Variants in CAMK2B observed in about 807,000 individuals in gnomAD.
CAMK2B encodes the protein calcium/calmodulin dependent protein kinase II beta.
CAMK2B carries 27 observed loss-of-function variants against 93.7 expected under a neutral mutation model. The ratio of observed to expected loss-of-function variants is 0.29; its 90% CI spans 0.21 to 0.40. The LOEUF (loss-of-function observed/expected upper bound fraction) is 0.40, where lower values mean the gene tolerates loss of function less well. Among genes scored for constraint, CAMK2B ranks in the 10% least tolerant of loss-of-function variants. CAMK2B has a pLI of 1.00. For missense variants in CAMK2B, 568 were observed against 895.8 expected (o/e 0.63, Z 4.67); for synonymous variants, 374 against 358.8 (o/e 1.04, Z -0.48).
At position 44,242,667 on chromosome 7, in the gene CAMK2B, C is replaced by A. The variant is rs368388412; in HGVS notation, c.602-13G>T. 1,087 of 1,582,790 alleles carry A rather than the reference C, an allele frequency of 6.9e-4. 1 individual carries two copies. Among genetic ancestry groups the A allele is most frequent in the Non-Finnish European group, 8.7e-4 (1,003 of 1,157,102 alleles). On this transcript the variant is annotated splice_polypyrimidine_tract_variant and intron_variant, in intron 8 of 23. Coordinates refer to ENST00000395749, the MANE Select transcript of CAMK2B (RefSeq NM_001220.5). ...TACAGGATCACCCCTGCGGATGGGG[C>A]CTGTGAGCACCGCAGCCACTTGCAG...
chr7:44,261,458 G>C (rs1422703222), intron 3 of CAMK2B, among the ~76,000 whole-genome samples: 4 of 152,194 alleles, frequency 2.6e-5, no homozygotes, highest in Non-Finnish European at 5.9e-5. Context: ...CTCATGGTGG[G>C]GGCTGCCCCT....
intron 2 of CAMK2B, among the ~76,000 whole-genome samples, chr7:44,270,325 G>A (rs188620542): frequency 6.6e-6 from 1 of 152,312 alleles, no homozygotes; most frequent in African/African-American, 2.4e-5. Flanking sequence ...TGGCTGGGGA[G>A]GGATGGGCCA....
intron 18 of CAMK2B, 128 bp downstream of exon 18, chr7:44,229,260 G>C (rs964716332): frequency 7.6e-6 from 5 of 656,200 alleles, no homozygotes; most frequent in African/African-American, 3.7e-5. Flanking sequence ...CCCCAGTGAG[G>C]GATTGTGGGG....
intron 2 of CAMK2B, among the ~76,000 whole-genome samples, chr7:44,279,608 G>A (rs2097085583): frequency 6.6e-6 from 1 of 152,200 alleles, no homozygotes; most frequent in African/African-American, 2.4e-5. Context: ...TAGGCATACA[G>A]CTTGAGAGGC....
chr7:44,322,561 G>A (rs760753159), intron 1 of CAMK2B, among the ~76,000 whole-genome samples: 2 of 152,210 alleles, frequency 1.3e-5, no homozygotes, highest in African/African-American at 2.4e-5. Flanking sequence ...GGCCATGCCG[G>A]GCTGAGGGCT....
At chr7:44,264,439 T>C (rs1474949857) in intron 2 of CAMK2B, among the ~76,000 whole-genome samples, 1 of 152,144 alleles carries the variant, frequency 6.6e-6, no homozygotes, top group Non-Finnish European at 1.5e-5. Context: ...GGAAGGTCTC[T>C]GGGAGCGGCA....
chr7:44,230,827 T>C (rs1364424345), intron 17 of CAMK2B, among the ~76,000 whole-genome samples, 179 bp downstream of exon 17: 1 of 152,122 alleles, frequency 6.6e-6, no homozygotes, highest in Non-Finnish European at 1.5e-5. Flanking sequence ...TTCTCCGCTC[T>C]GGGCAGGCCT....
At chr7:44,220,560 G>C (rs2096387503) in intron 22 of CAMK2B, 56 bp downstream of exon 22, 4 of 1,457,816 alleles carry the variant, frequency 2.7e-6, no homozygotes, top group Non-Finnish European at 3.8e-6. Flanking sequence ...GGGAGGGGCC[G>C]AGAGGCTCTC....
chr7:44,321,320 C>T (rs1302004321), intron 1 of CAMK2B, among the ~76,000 whole-genome samples: 16 of 152,228 alleles, frequency 1.1e-4, no homozygotes, highest in Admixed American at 1.0e-3. Context: ...TCAGGCCACA[C>T]ACACCCCAGG....
At chr7:44,254,929 G>C in intron 4 of CAMK2B, among the ~76,000 whole-genome samples, 1 of 151,338 alleles carries the variant, frequency 6.6e-6, no homozygotes, top group Non-Finnish European at 1.5e-5. Flanking sequence ...TTTTATGGAT[G>C]AGAAAACAAA....
At position 44,282,378 on chromosome 7, in the gene CAMK2B, G is replaced by A. The variant is rs989499666; in HGVS notation, c.160+1753C>T. 3.9e-5 allele frequency among the ~76,000 whole-genome samples: 6 copies of A among 152,354 alleles called. No homozygotes were observed. In the East Asian group the frequency reaches 7.7e-4, roughly 20 times the overall value. On this transcript the variant is annotated intron_variant, in intron 2 of 23. Coordinates refer to ENST00000395749, the MANE Select transcript of CAMK2B (RefSeq NM_001220.5). ...CCAGCTGTGCAGTCACAGGGCAGAA[G>A]GGACACCCAGGCCCCCGCAATGTGT...
chr7:44,228,795 C>G lies in CAMK2B; in HGVS notation c.1468+1G>C. ...CGGCAGGCCTGGGGGCCACTACTTA[C>G]ACGGGGAGGACAGGGGGCCTAGGAG... On this transcript the variant is annotated splice_donor_variant, in intron 19 of 23. Coordinates refer to ENST00000395749, the MANE Select transcript of CAMK2B (RefSeq NM_001220.5). LOFTEE classifies it high-confidence loss of function. 1 of 1,483,420 alleles carries G rather than the reference C, an allele frequency of 6.7e-7. No homozygotes were observed. Among genetic ancestry groups the G allele is most frequent in the Non-Finnish European group, 8.9e-7 (1 of 1,120,094 alleles). The allele number at this position is 1,483,420 out of a possible 1,614,324, so 91.9% of individuals were successfully genotyped here.
At chr7:44,251,673 G>A (rs532982977) in intron 5 of CAMK2B, among the ~76,000 whole-genome samples, 1 of 152,360 alleles carries the variant, frequency 6.6e-6, no homozygotes, top group East Asian at 1.9e-4. Flanking sequence ...CTCCATTTGA[G>A]CTCCAAACCC....
intron 1 of CAMK2B, among the ~76,000 whole-genome samples, chr7:44,314,244 C>T (rs1447141206): frequency 6.6e-6 from 1 of 152,154 alleles, no homozygotes; most frequent in Non-Finnish European, 1.5e-5. Context: ...ATAACATTTT[C>T]ATCACTTCAG....
At chr7:44,220,348 C>T in intron 22 of CAMK2B, 54 bp from the exon 23 acceptor site, 1 of 1,335,216 alleles carries the variant, frequency 7.5e-7, no homozygotes. Flanking sequence ...GCCCTGGTGC[C>T]CGTCTTCCAC....
rs988392573 is a variant in CAMK2B, at chr7:44,220,060, C to T, written c.*2G>A. The stretch of plus-strand genomic sequence containing the variant: ...CTGTCACTTAGCACAGAACACTCAC[C>T]TTCACTGCAGCGGGGCCACAGGCGC... On this transcript the variant is annotated splice_region_variant and 3_prime_UTR_variant, in exon 23 of 24. Coordinates refer to ENST00000395749, the MANE Select transcript of CAMK2B (RefSeq NM_001220.5). The T allele has an allele frequency of 2.5e-6, 4 of 1,575,178 alleles. No individual in the cohort carries two copies. The highest frequency in any genetic ancestry group is 1.8e-5 in the Admixed American group (1 of 55,808).
At chr7:44,277,791 C>T (rs2097061904) in intron 2 of CAMK2B, among the ~76,000 whole-genome samples, 1 of 151,696 alleles carries the variant, frequency 6.6e-6, no homozygotes, top group African/African-American at 2.4e-5. Context: ...CTCTCTGGGT[C>T]CCCTCTCCAT....
At position 44,243,262 on chromosome 7, in the gene CAMK2B, T is replaced by G; in HGVS notation, c.589A>C (p.Ile197Leu). 1 of 1,613,608 alleles carries G rather than the reference T, an allele frequency of 6.2e-7. No individual in the cohort carries two copies. Among genetic ancestry groups the G allele is most frequent in the Non-Finnish European group, 8.5e-7 (1 of 1,179,656 alleles). The change falls in exon 8 of 24, where the codon ATC (isoleucine) becomes CTC (leucine). Residue 197 changes from isoleucine to leucine, a missense_variant. By Grantham distance (5) the Ile-to-Leu change is conservative. Around this residue, in one of 4 missense-constraint regions of CAMK2B, gnomAD observed 105 missense variants for 372.4 expected, o/e 0.28. Transcript: ENST00000395749. Reference protein sequence around the residue: ...RKEAYGKPVDIWACGVILYIL... With the variant: ...RKEAYGKPVDLWACGVILYIL... ...GGCCAGGCCTCACCACATGCCCAGA[T>G]GTCCACAGGCTTGCCATACGCCTCT...
At chr7:44,220,488 G>T in intron 22 of CAMK2B, 128 bp downstream of exon 22, 1 of 913,800 alleles carries the variant, frequency 1.1e-6, no homozygotes, top group Admixed American at 2.6e-5. Context: ...GGGGAGAGGT[G>T]GCTGGCCAAC....
Sources: gnomAD v4.1 joint callset for allele counts (sites outside exome capture counted in the v4.1 genomes callset) on GRCh38, gnomAD v4.1.1 for gene constraint, gnomAD v4.1.1 regional missense constraint, MANE v1.5 for transcripts, NCBI Gene and HGNC (gene_info 2026-07-23, HGNC 2026-07-21) for gene names.